EXOC4: variants seen among roughly 807,000 people sequenced by gnomAD.
The protein encoded by EXOC4 is SEC8-like 1.
In EXOC4, 71 loss-of-function variants were observed where a neutral mutation model predicts 107.2. That is an observed-to-expected ratio of 0.66 (90% CI 0.55 to 0.81). The LOEUF (loss-of-function observed/expected upper bound fraction) is 0.81. Among genes scored for constraint, EXOC4 ranks in the 30% least tolerant of loss-of-function variants. EXOC4 has a pLI of 0.00. For synonymous variants in EXOC4, 456 were observed against 441.2 expected, an observed-to-expected ratio of 1.03 and a Z score of -0.42; for missense variants, 1,108 against 1,189.6, an observed-to-expected ratio of 0.93 and a Z score of 1.01.
intron 6 of EXOC4, among the ~76,000 whole-genome samples, chr7:133,366,585 A>C (rs1480918588): frequency 2.0e-5 from 3 of 152,094 alleles, no homozygotes; most frequent in Non-Finnish European, 4.4e-5. Context: ...TTTTGAGAGC[A>C]TGGTTTTGTG....
At chr7:134,043,757 C>T (rs984004987) in intron 17 of EXOC4, among the ~76,000 whole-genome samples, 1 of 152,090 alleles carries the variant, frequency 6.6e-6, no homozygotes, top group Admixed American at 6.6e-5. Context: ...AGTTTGTTCT[C>T]TCATGCAGCT....
At chr7:133,574,339 A>G (rs1051509035) in intron 9 of EXOC4, among the ~76,000 whole-genome samples, 1 of 152,218 alleles carries the variant, frequency 6.6e-6, no homozygotes, top group African/African-American at 2.4e-5. Context: ...GCACACACTT[A>G]CTTGCTTTCT....
chr7:133,554,853 C>T (rs540538514), intron 9 of EXOC4, among the ~76,000 whole-genome samples: 6 of 152,242 alleles, frequency 3.9e-5, no homozygotes, highest in Non-Finnish European at 8.8e-5. Flanking sequence ...AATCCTATGC[C>T]TTGCACATTA....
chr7:133,438,203 C>G (rs1798020151), intron 7 of EXOC4, among the ~76,000 whole-genome samples: 1 of 152,038 alleles, frequency 6.6e-6, no homozygotes. Flanking sequence ...AATTTTAATC[C>G]TATGTGTGTT....
the EXOC4 span, among the ~76,000 whole-genome samples, chr7:134,094,844 C>CG: frequency 6.6e-6 from 1 of 151,980 alleles, no homozygotes; most frequent in East Asian, 1.9e-4. Flanking sequence ...ATGACAAACT[C>CG]GCAGCAAACA....
intron 9 of EXOC4, among the ~76,000 whole-genome samples, chr7:133,516,757 C>CTTTTTTTTTTTTTTTTTTTTTTTTT (rs1563093913): frequency 1.9e-4 from 1 of 5,294 alleles, no homozygotes; most frequent in African/African-American, 5.9e-4. Context: ...ACTAGCTGCT[C>CTTTTTTTTTTTTTTTTTTTTTTTTT]ATTTTTTTTT....
rs1257992968 is a variant in EXOC4, at chr7:133,464,820, T to G, written c.1183-10508T>G. Reference sequence around the variant, plus strand: ...TTTGTTGGTTGGGTTGGTTTTTTTTTTTTTTTTTTTTTTTTTGGAGTTAGG... The same window carrying G: ...TTTGTTGGTTGGGTTGGTTTTTTTTGTTTTTTTTTTTTTTTTGGAGTTAGG... On this transcript the variant is annotated intron_variant, in intron 7 of 17. Transcript: ENST00000253861. 2.9e-3 allele frequency among the ~76,000 whole-genome samples: 344 copies of G among 118,868 alleles called. 8 individuals are homozygous for G. Among genetic ancestry groups the G allele is most frequent in the African/African-American group, 8.8e-3 (280 of 31,932 alleles). 78.0% of individuals were successfully genotyped at this position (118,868 alleles called of 152,430 possible). A position where few individuals can be genotyped will look rare whatever the true frequency, so the allele number is the denominator to read the frequency against.
intron 6 of EXOC4, among the ~76,000 whole-genome samples, chr7:133,361,450 T>G (rs1272830353): frequency 1.3e-5 from 2 of 152,090 alleles, no homozygotes; most frequent in Non-Finnish European, 2.9e-5. Flanking sequence ...CCGGCTAATT[T>G]TTTGTATTTT....
chr7:133,594,589 G>T (rs1161923880), intron 9 of EXOC4, among the ~76,000 whole-genome samples: 8 of 137,898 alleles, frequency 5.8e-5, no homozygotes, highest in African/African-American at 2.2e-4. Flanking sequence ...CCGCCTCCTG[G>T]TTCAAGCGAT....
At chr7:133,417,265 T>C (rs1206374364) in intron 7 of EXOC4, among the ~76,000 whole-genome samples, 1 of 152,188 alleles carries the variant, frequency 6.6e-6, no homozygotes, top group Non-Finnish European at 1.5e-5. Flanking sequence ...AAAGGCAGGT[T>C]CCTGCCCAGT....
intron 13 of EXOC4, among the ~76,000 whole-genome samples, chr7:133,932,571 T>A (rs187967230): frequency 1.3e-5 from 2 of 152,318 alleles, no homozygotes; most frequent in South Asian, 4.1e-4. Context: ...TCTCCAAATA[T>A]ATACACACAT....
intron 11 of EXOC4, among the ~76,000 whole-genome samples, chr7:133,838,814 C>A (rs1797969035): frequency 6.6e-6 from 1 of 152,174 alleles, no homozygotes; most frequent in South Asian, 2.1e-4. Context: ...AGTATAAGAG[C>A]AATCATAGAT....
chr7:133,295,377 A>T (rs1794495739), intron 3 of EXOC4, among the ~76,000 whole-genome samples: 1 of 152,164 alleles, frequency 6.6e-6, no homozygotes, highest in African/African-American at 2.4e-5. Context: ...ATTATGTGTT[A>T]TCAATTACTT....
At chr7:133,795,280 C>G (rs1480989744) in intron 10 of EXOC4, among the ~76,000 whole-genome samples, 1 of 152,160 alleles carries the variant, frequency 6.6e-6, no homozygotes, top group Non-Finnish European at 1.5e-5. Context: ...GTTCAGCACA[C>G]TAATGTCTCC....
At chr7:134,039,952 C>A (rs1019543483) in intron 17 of EXOC4, among the ~76,000 whole-genome samples, 35 of 152,240 alleles carry the variant, frequency 2.3e-4, no homozygotes, top group Non-Finnish European at 4.4e-5. Flanking sequence ...TCTGCCAAAT[C>A]TGAATCTTAG....
chr7:133,593,320 G>A (rs1038616706), intron 9 of EXOC4, among the ~76,000 whole-genome samples: 4 of 152,158 alleles, frequency 2.6e-5, no homozygotes, highest in African/African-American at 7.2e-5. Flanking sequence ...GGAGTCTGAC[G>A]TTTCTTCATT....
Position 133,937,897 on chromosome 7 carries a change from T to C in EXOC4, c.2034T>C (p.Ala678=). 1 of 1,614,144 alleles carries C rather than the reference T, an allele frequency of 6.2e-7. No homozygotes were observed. The highest frequency in any genetic ancestry group is 8.5e-7 in the Non-Finnish European group (1 of 1,179,992). ...REEEEDFIRA[A]FGKESEVLIG... is the part of the protein sequence containing the mutation. ...TTTCTGATTTGCTTTTCAGGGCAGCTTTTGGCAAGGAGTCTGAAGTTCTTA... is the reference window on the plus strand; with the variant it reads ...TTTCTGATTTGCTTTTCAGGGCAGCCTTTGGCAAGGAGTCTGAAGTTCTTA... The change falls in exon 14 of 18, where the codon GCT becomes GCC. Residue 678 remains alanine (A), a synonymous_variant. Coordinates refer to ENST00000253861, the MANE Select transcript of EXOC4 (RefSeq NM_021807.4).
chr7:133,855,103 A>AT (rs1798334093), intron 11 of EXOC4, among the ~76,000 whole-genome samples: 17 of 97,630 alleles, frequency 1.7e-4, no homozygotes, highest in African/African-American at 3.6e-4. Flanking sequence ...ATATATATAT[A>AT]AATATATATA....
intron 14 of EXOC4, among the ~76,000 whole-genome samples, chr7:133,944,847 G>T (rs1800512129): frequency 6.6e-6 from 1 of 152,122 alleles, no homozygotes; most frequent in Non-Finnish European, 1.5e-5. Flanking sequence ...GTTGCTACAT[G>T]TGCTAAACAT....
Sources: allele counts gnomAD v4.1 joint callset (sites outside exome capture counted in the v4.1 genomes callset), GRCh38; gene constraint gnomAD v4.1.1; transcripts MANE v1.5; gene names NCBI Gene and HGNC (gene_info 2026-07-23, HGNC 2026-07-21).